The following ARHGAP31 variants were observed in gnomAD, a reference collection of about 807,000 sequenced individuals.
ARHGAP31 encodes rho GTPase-activating protein 31.
A neutral mutation model predicts 113.9 loss-of-function variants in ARHGAP31; 34 were observed. The ratio of observed to expected loss-of-function variants is 0.30; its 90% CI spans 0.23 to 0.40. The LOEUF (loss-of-function observed/expected upper bound fraction) is 0.40. Ranked by LOEUF, ARHGAP31 falls within the 10% of genes least tolerant of loss-of-function variation. The pLI is 1.00. For missense variants in ARHGAP31, 1,548 were observed against 1,767.1 expected (o/e 0.88, Z 2.22); for synonymous variants, 650 against 684.8 (o/e 0.95, Z 0.79).
intron 6 of ARHGAP31, among the ~76,000 whole-genome samples, chr3:119,384,209 CTG>C (rs1304647337): frequency 1.3e-5 from 2 of 152,162 alleles, no homozygotes; most frequent in African/African-American, 2.4e-5. Context: ...CCTGGTATAA[CTG>C]TTCCCATCTC....
At chr3:119,396,840 A>T (rs2080554671) in intron 8 of ARHGAP31, among the ~76,000 whole-genome samples, 1 of 152,210 alleles carries the variant, frequency 6.6e-6, no homozygotes, top group African/African-American at 2.4e-5. Flanking sequence ...AAAGTATAGG[A>T]AAAAATGGAG....
chr3:119,294,836 G>A lies in ARHGAP31; in HGVS notation c.-69G>A. 7.0e-7 allele frequency: 1 copy of A among 1,422,468 alleles called. No individual in the cohort carries two copies. Among genetic ancestry groups the A allele is most frequent in the Non-Finnish European group, 9.9e-7 (1 of 1,007,118 alleles). 88.1% of individuals were successfully genotyped at this position (1,422,468 alleles called of 1,614,324 possible). A position where few individuals can be genotyped will look rare whatever the true frequency, so the allele number is the denominator to read the frequency against. ...GGGCAGCCGGTGATCTAGCCCGGGAGCCCATCTTACAGCGGTGCCAAGCAG... is the reference window on the plus strand; with the variant it reads ...GGGCAGCCGGTGATCTAGCCCGGGAACCCATCTTACAGCGGTGCCAAGCAG... On this transcript the variant is annotated 5_prime_UTR_variant, in exon 1 of 12. Coordinates refer to ENST00000264245, the MANE Select transcript of ARHGAP31 (RefSeq NM_020754.4).
chr3:119,416,368 A>C lies in ARHGAP31; in HGVS notation c.*104A>C. The C allele has an allele frequency of 1.3e-6, 2 of 1,524,988 alleles. No individual in the cohort carries two copies. Among genetic ancestry groups the C allele is most frequent in the Non-Finnish European group, 1.8e-6 (2 of 1,117,706 alleles). The allele number at this position is 1,524,988 out of a possible 1,614,324, so 94.5% of individuals were successfully genotyped here. The stretch of plus-strand genomic sequence containing the variant: ...GGCACACGTTATCAAGTTTGGGCCT[A>C]TTGTGGCCTCTGACTTCTCTTTCTT... On this transcript the variant is annotated 3_prime_UTR_variant, in exon 12 of 12. Transcript: ENST00000264245.
At chr3:119,295,109 C>G (rs2079521511) in intron 1 of ARHGAP31, 105 bp downstream of exon 1, 2 of 1,062,296 alleles carry the variant, frequency 1.9e-6, no homozygotes, top group East Asian at 4.8e-5. Flanking sequence ...TTAATGTATT[C>G]CAGGCCTGTG....
chr3:119,325,232 TCTTA>T (rs751079869), intron 1 of ARHGAP31, among the ~76,000 whole-genome samples: 4 of 152,252 alleles, frequency 2.6e-5, no homozygotes, highest in Non-Finnish European at 5.9e-5. Flanking sequence ...TGCTTAAAAT[TCTTA>T]CTTAGTTGTG....
chr3:119,332,633 TCTCACACACACACACA>T (rs1309222377), intron 1 of ARHGAP31, among the ~76,000 whole-genome samples: 107 of 61,564 alleles, frequency 1.7e-3, no homozygotes, highest in African/African-American at 5.8e-3. Flanking sequence ...TCTCTCTCTC[TCTCACACACACACACA>T]CACACACACA....
At chr3:119,311,286 C>T (rs2079681881) in intron 1 of ARHGAP31, among the ~76,000 whole-genome samples, 1 of 152,204 alleles carries the variant, frequency 6.6e-6, no homozygotes, top group Non-Finnish European at 1.5e-5. Context: ...TTTGTTTCTG[C>T]AGGCTCTAAG....
chr3:119,335,220 G>C (rs952943106), intron 1 of ARHGAP31, among the ~76,000 whole-genome samples: 7 of 152,272 alleles, frequency 4.6e-5, no homozygotes, highest in African/African-American at 1.7e-4. Flanking sequence ...GATTTCTATC[G>C]TAGTTCTTTC....
chr3:119,296,321 T>C (rs2079533255), intron 1 of ARHGAP31, among the ~76,000 whole-genome samples: 2 of 152,242 alleles, frequency 1.3e-5, no homozygotes, highest in Admixed American at 1.3e-4. Context: ...TTGAAATTGA[T>C]GCATAACTTA....
chr3:119,419,647 A>G lies in ARHGAP31; in HGVS notation c.*3383A>G, dbSNP rs2080806117. 2 of 152,246 alleles carry G rather than the reference A, an allele frequency of 1.3e-5. No homozygotes were observed. Among genetic ancestry groups the G allele is most frequent in the African/African-American group, 4.8e-5 (2 of 41,468 alleles). 9.4% of individuals were successfully genotyped at this position (152,246 alleles called of 1,614,324 possible). A position where few individuals can be genotyped will look rare whatever the true frequency, so the allele number is the denominator to read the frequency against. ...AACCATTAAGTTGCCAAACAAAAGC[A>G]GAAGGGGAAAAAGTGTGGCAACAAG... On this transcript the variant is annotated 3_prime_UTR_variant, in exon 12 of 12. Coordinates refer to ENST00000264245, the MANE Select transcript of ARHGAP31 (RefSeq NM_020754.4).
At chr3:119,377,189 G>T (rs887443444) in intron 3 of ARHGAP31, among the ~76,000 whole-genome samples, 1 of 152,220 alleles carries the variant, frequency 6.6e-6, no homozygotes, top group Non-Finnish European at 1.5e-5. Context: ...TAGGTGCGGA[G>T]ATTTAATGGT....
At chr3:119,372,433 G>A (rs987612185) in intron 3 of ARHGAP31, among the ~76,000 whole-genome samples, 5 of 151,716 alleles carry the variant, frequency 3.3e-5, no homozygotes, top group Admixed American at 6.6e-5. Context: ...ACAGGCGCTC[G>A]CCACCACGCC....
In ARHGAP31 at chr3:119,294,679, G is replaced by C. The variant is rs1576979669; in HGVS notation, c.-226G>C. On this transcript the variant is annotated 5_prime_UTR_variant, in exon 1 of 12. Coordinates refer to ENST00000264245, the MANE Select transcript of ARHGAP31 (RefSeq NM_020754.4). ...CCGGCCCGCGGCTGCCAGTCTGCAC[G>C]GCCTCGGCACGGCGGCCCCGGAGCG... 5.1e-6 allele frequency: 3 copies of C among 583,504 alleles called. No individual in the cohort carries two copies. Among genetic ancestry groups the C allele is most frequent in the Non-Finnish European group, 9.0e-6 (3 of 333,034 alleles). The allele number at this position is 583,504 out of a possible 1,614,324, so 36.1% of individuals were successfully genotyped here. A position where few individuals can be genotyped will look rare whatever the true frequency, so the allele number is the denominator to read the frequency against.
intron 1 of ARHGAP31, among the ~76,000 whole-genome samples, chr3:119,337,440 A>C (rs1009071666): frequency 6.6e-6 from 1 of 152,200 alleles, no homozygotes; most frequent in African/African-American, 2.4e-5. Flanking sequence ...GCACAGACCC[A>C]AAGAGTGACC....
At chr3:119,368,333 C>A (rs767305975) in intron 2 of ARHGAP31, 39 bp from the exon 3 acceptor site, 6 of 1,613,208 alleles carry the variant, frequency 3.7e-6, no homozygotes, top group Non-Finnish European at 5.1e-6. Context: ...GGAACACACA[C>A]TCCCTGGGAT....
rs763942757 is a variant in ARHGAP31 at position 119,402,312 on chromosome 3, C to T, written c.1560C>T (p.Ser520=). 1 of 1,614,224 alleles carries T rather than the reference C, an allele frequency of 6.2e-7. No homozygotes were observed. The highest frequency in any genetic ancestry group is 1.7e-5 in the Admixed American group (1 of 60,034). The change falls in exon 10 of 12, where the codon TCC becomes TCT. Residue 520 remains serine (S), a synonymous_variant. Transcript: ENST00000264245. ...RTPPKELQSL[S]SLEEFSFHGS... ...CCCCGAAGGAGCTGCAGTCTCTTTC[C>T]AGCCTGGAAGAGTTTTCTTTTCATG...
chr3:119,338,231 G>A (rs75968425), intron 1 of ARHGAP31, among the ~76,000 whole-genome samples: 2,540 of 152,126 alleles, frequency 0.017, 55 homozygotes, highest in East Asian at 0.054. Context: ...CCATGACCAG[G>A]TAACACAAGG....
chr3:119,297,919 C>A (rs2079547228), intron 1 of ARHGAP31, among the ~76,000 whole-genome samples: 1 of 148,450 alleles, frequency 6.7e-6, no homozygotes, highest in Non-Finnish European at 1.5e-5. Context: ...AACACACACA[C>A]ACACACACAC....
At chr3:119,371,380 C>T (rs1314180140) in intron 3 of ARHGAP31, among the ~76,000 whole-genome samples, 1 of 152,182 alleles carries the variant, frequency 6.6e-6, no homozygotes, top group Non-Finnish European at 1.5e-5. Flanking sequence ...GCTTGTCAAC[C>T]TGTCTTCAGA....
Sources: allele counts gnomAD v4.1 joint callset (sites outside exome capture counted in the v4.1 genomes callset), GRCh38; gene constraint gnomAD v4.1.1; transcripts MANE v1.5; gene names NCBI Gene and HGNC (gene_info 2026-07-23, HGNC 2026-07-21).